Variants in TJP3 observed in about 807,000 individuals in gnomAD.
The protein encoded by TJP3 is tight junction protein 3, also known as tight junction protein ZO-3.
A neutral mutation model predicts 104.2 loss-of-function variants in TJP3; 85 were observed. That is an observed-to-expected ratio of 0.82 (90% CI 0.68 to 0.98). The LOEUF (loss-of-function observed/expected upper bound fraction) is 0.98, where lower values mean the gene tolerates loss of function less well. Among genes scored for constraint, TJP3 ranks in the 50% least tolerant of loss-of-function variants. The probability of loss-of-function intolerance (pLI) is 0.00; values close to 1 mark genes in which losing one functional copy is unlikely to be tolerated. For missense variants in TJP3, 1,367 were observed against 1,322.8 expected, an observed-to-expected ratio of 1.03 and a Z score of -0.52; for synonymous variants, 550 against 550.6, an observed-to-expected ratio of 1.00 and a Z score of 0.02.
At position 3,747,992 on chromosome 19, in the gene TJP3, G is replaced by C. The variant is rs2036926569; in HGVS notation, c.2521G>C (p.Ala841Pro). The change falls in exon 19 of 21, where the codon GCC becomes CCC. Residue 841 changes from alanine (A) to proline (P), a missense_variant. Coordinates refer to ENST00000541714, the MANE Select transcript of TJP3 (RefSeq NM_001267560.2). ...TGTGGATGATGAGCCCCCGGCTCCA[G>C]CCCTGGCCCGGTCCTCGGAGCCCGT... ...TDVDDEPPAP[A>P]LARSSEPVQA... 2.5e-6 allele frequency: 4 copies of C among 1,611,266 alleles called. No homozygotes were observed. The highest frequency in any genetic ancestry group is 3.4e-6 in the Non-Finnish European group (4 of 1,179,248).
intron 1 of TJP3, among the ~76,000 whole-genome samples, chr19:3,718,435 C>T (rs2036511303): frequency 7.2e-6 from 1 of 139,522 alleles, no homozygotes; most frequent in South Asian, 2.2e-4. Flanking sequence ...GACAGGAATG[C>T]AGCATTTTCT....
In TJP3 at chr19:3,740,598, G is replaced by A. The variant is rs2036800977; in HGVS notation, c.1678G>A (p.Val560Ile). The change falls in exon 14 of 21, where the codon GTC (valine) becomes ATC (isoleucine). Residue 560 changes from valine (V) to isoleucine (I), a missense_variant. By Grantham distance (29) the Val-to-Ile change is conservative (BLOSUM62 3). Transcript: ENST00000541714. Reference sequence around the variant, plus strand: ...GGAAGCTGCCCAGAGGGCCGTGGGAGTCGGGCCCGGCTCCTCCGCGGGCTC... The same window carrying A: ...GGAAGCTGCCCAGAGGGCCGTGGGAATCGGGCCCGGCTCCTCCGCGGGCTC... ...SLEAAQRAVG[V>I]GPGSSAGSNA... 2 of 1,547,820 alleles carry A rather than the reference G, an allele frequency of 1.3e-6. No individual in the cohort carries two copies. The highest frequency in any genetic ancestry group is 1.7e-6 in the Non-Finnish European group (2 of 1,148,726).
intron 8 of TJP3, 71 bp downstream of exon 8, chr19:3,734,506 G>T: frequency 2.1e-6 from 3 of 1,400,564 alleles, no homozygotes; most frequent in Non-Finnish European, 2.9e-6. Context: ...GGGAACGCGG[G>T]CGTAGCTTTC....
At position 3,721,854 on chromosome 19, in the gene TJP3, C is replaced by A. The variant is rs1432836803; in HGVS notation, c.-9-6570C>A. On this transcript the variant is annotated intron_variant, in intron 1 of 20. Transcript: ENST00000541714. ...GGGGCCGATTGACTGTTTCCAGGAC[C>A]CCCTCGGGTAGGGGGGCTGGAGAGC... 4 of 1,205,204 alleles carry A rather than the reference C, an allele frequency of 3.3e-6. No homozygotes were observed. In the Admixed American group the frequency reaches 1.7e-4, roughly 51 times the overall value. 74.7% of individuals were successfully genotyped at this position (1,205,204 alleles called of 1,614,324 possible).
At chr19:3,723,719 G>A (rs2036566270) in intron 1 of TJP3, among the ~76,000 whole-genome samples, 1 of 151,236 alleles carries the variant, frequency 6.6e-6, no homozygotes, top group South Asian at 2.1e-4. Flanking sequence ...CTGGAACCCA[G>A]GAGGCGGAGG....
chr19:3,728,654 C>G lies in TJP3; in HGVS notation c.99C>G (p.Pro33=). The change falls in exon 3 of 21, where the codon CCC becomes CCG. Residue 33 remains proline (P), a synonymous_variant. Coordinates refer to ENST00000541714, the MANE Select transcript of TJP3 (RefSeq NM_001267560.2). ...GIAISGGRDR[P]GGSMVVSDVV... ...CGATCTCTGGAGGCCGAGACCGGCC[C>G]GGTGGATCCATGGTTGTATCTGACG... 1 of 1,613,728 alleles carries G rather than the reference C, an allele frequency of 6.2e-7. No homozygotes were observed. Among genetic ancestry groups the G allele is most frequent in the Non-Finnish European group, 8.5e-7 (1 of 1,179,978 alleles).
chr19:3,721,954 AGGTGG>A, intron 1 of TJP3: 1 of 371,012 alleles, frequency 2.7e-6, no homozygotes. Flanking sequence ...GCTCGGGCTG[AGGTGG>A]GGTGGGGGGA....
chr19:3,722,744 T>C (rs991207695), intron 1 of TJP3, among the ~76,000 whole-genome samples: 3 of 151,468 alleles, frequency 2.0e-5, no homozygotes, highest in Admixed American at 6.6e-5. Flanking sequence ...CACTTCTGGT[T>C]CCCGCTGACT....
intron 18 of TJP3, among the ~76,000 whole-genome samples, chr19:3,747,351 G>A (rs772742154): frequency 2.0e-5 from 3 of 152,130 alleles, no homozygotes; most frequent in Non-Finnish European, 2.9e-5. Flanking sequence ...CTGAGCCACC[G>A]CGCCCAGCCT....
chr19:3,716,966 C>CTT (rs59845215), intron 1 of TJP3, among the ~76,000 whole-genome samples: 1 of 115,376 alleles, frequency 8.7e-6, no homozygotes, highest in Admixed American at 9.3e-5. Context: ...GCCCAGGTGA[C>CTT]TTTTTTTTTT....
rs1053039282 is a variant in TJP3 at position 3,730,380 on chromosome 19, A to G, written c.287A>G (p.His96Arg). 3.2e-6 allele frequency: 5 copies of G among 1,545,976 alleles called. No individual in the cohort carries two copies. In the African/African-American group the frequency reaches 4.1e-5, roughly 13 times the overall value. Reference protein sequence around the residue: ...NITVKRPRRIHLPATKASPSS... With the variant: ...NITVKRPRRIRLPATKASPSS... ...ACAGTGAAACGTCCCCGGAGGATCC[A>G]CCTGCCCGCCACCAAAGCCAGCCCC... Residue 96 changes from histidine (H) to arginine (R), a missense_variant, in exon 5 of 21, where the codon CAC becomes CGC. By Grantham distance (29) the His-to-Arg change is conservative (BLOSUM62 0). Transcript: ENST00000541714. The surrounding 1 kb of genome is among the most constrained non-coding windows in gnomAD (Gnocchi z 7.3).
At position 3,750,476 on chromosome 19, in the gene TJP3, T is replaced by C. The variant is rs113869294; in HGVS notation, c.2658-106T>C. The C allele has an allele frequency of 6.3e-4, 622 of 979,892 alleles. 2 individuals carry two copies. The African/African-American group carries it at 8.6e-3, about 14-fold the overall frequency. The allele number at this position is 979,892 out of a possible 1,614,324, so 60.7% of individuals were successfully genotyped here. On this transcript the variant is annotated intron_variant, in intron 20 of 20. Transcript: ENST00000541714. ...CTACCCATGAATGCCCAGATGTGCT[T>C]ATCTCTGCCCACACCCACTGTGCCT...
Position 3,746,181 on chromosome 19 carries a change from C to T in TJP3, c.2010+100C>T. On this transcript the variant is annotated intron_variant, in intron 16 of 20. Coordinates refer to ENST00000541714, the MANE Select transcript of TJP3 (RefSeq NM_001267560.2). The surrounding 1 kb of genome is among the most constrained non-coding windows in gnomAD (Gnocchi z 4.1). ...TGACCTGTTCTCAGCCCACACCCCA[C>T]AAGTGCAGTCTTCCATAGAGCCCCT... 1.6e-6 allele frequency: 2 copies of T among 1,215,170 alleles called. No homozygotes were observed. The highest frequency in any genetic ancestry group is 1.2e-6 in the Non-Finnish European group (1 of 846,534). The allele number at this position is 1,215,170 out of a possible 1,614,324, so 75.3% of individuals were successfully genotyped here. A position where few individuals can be genotyped will look rare whatever the true frequency, so the allele number is the denominator to read the frequency against.
rs1051999557 is a variant in TJP3 at position 3,715,989 on chromosome 19, G to T, written c.-10+7428G>T. Among the ~76,000 whole-genome samples, 6 of 152,082 alleles carry T rather than the reference G, an allele frequency of 3.9e-5. No individual in the cohort carries two copies. The East Asian group carries it at 7.7e-4, about 20-fold the overall frequency. On this transcript the variant is annotated intron_variant, in intron 1 of 20. Transcript: ENST00000541714. Reference sequence around the variant, plus strand: ...AGATGGGGTTTCCCCATGTTGGCCAGGCTGGTCTCGAACTCCTGACCTCAC... The same window carrying T: ...AGATGGGGTTTCCCCATGTTGGCCATGCTGGTCTCGAACTCCTGACCTCAC...
intron 10 of TJP3, 103 bp downstream of exon 10, chr19:3,736,038 G>A (rs1474788300): frequency 1.3e-6 from 2 of 1,580,982 alleles, no homozygotes; most frequent in Non-Finnish European, 1.7e-6. Context: ...GTGTTGAGTG[G>A]GACCATTAAG....
chr19:3,734,849 G>C (rs2036718593), intron 8 of TJP3, among the ~76,000 whole-genome samples: 1 of 152,180 alleles, frequency 6.6e-6, no homozygotes, highest in South Asian at 2.1e-4. Context: ...AGCTACTTGG[G>C]AGGCTGAGGC....
chr19:3,730,455 T>C lies in TJP3; in HGVS notation c.362T>C (p.Val121Ala). 1 of 1,584,474 alleles carries C rather than the reference T, an allele frequency of 6.3e-7. No homozygotes were observed. The highest frequency in any genetic ancestry group is 8.6e-7 in the Non-Finnish European group (1 of 1,166,190). Residue 121 changes from valine to alanine, a missense_variant, in exon 5 of 21, where the codon GTG (valine) becomes GCG (alanine). Transcript: ENST00000541714. This position sits in a 1 kb window ranked among gnomAD's most constrained non-coding sequence, Gnocchi z 7.3. ...GATGAAGACGATGGGCCCCAGCGGGTGGAGGAGGTGGACCAGGGCCGGGGC... is the reference window on the plus strand; with the variant it reads ...GATGAAGACGATGGGCCCCAGCGGGCGGAGGAGGTGGACCAGGGCCGGGGC... ...DSDEDDGPQR[V>A]EEVDQGRGYD... is the part of the protein sequence containing the mutation.
intron 1 of TJP3, among the ~76,000 whole-genome samples, chr19:3,711,834 G>T (rs112089485): frequency 6.6e-6 from 1 of 151,180 alleles, no homozygotes; most frequent in Non-Finnish European, 1.5e-5. Context: ...GAATTAATTT[G>T]TTTCCTTTCT....
At chr19:3,710,172 T>TG (rs1180137689) in intron 1 of TJP3, among the ~76,000 whole-genome samples, 1 of 120,722 alleles carries the variant, frequency 8.3e-6, no homozygotes, top group Non-Finnish European at 1.7e-5. Context: ...AAAAAAGGGG[T>TG]GGGGGGATAT....
Sources: allele counts gnomAD v4.1 joint callset (sites outside exome capture counted in the v4.1 genomes callset), GRCh38; gene constraint gnomAD v4.1.1; non-coding constraint Gnocchi (gnomAD v3.1); transcripts MANE v1.5; gene names NCBI Gene and HGNC (gene_info 2026-07-23, HGNC 2026-07-21).